The following PADI3 variants were observed in gnomAD, a reference collection of about 807,000 sequenced individuals.
PADI3 encodes protein-arginine deiminase type-3.
A neutral mutation model predicts 71.5 loss-of-function variants in PADI3; 53 were observed. The ratio of observed to expected loss-of-function variants is 0.74; its 90% CI spans 0.59 to 0.93. The LOEUF is 0.93. Ranked by LOEUF, PADI3 falls within the 40% of genes least tolerant of loss-of-function variation. PADI3 has a pLI of 0.00. For synonymous variants in PADI3, 361 were observed against 347.5 expected (o/e 1.04, Z -0.43); for missense variants, 821 against 868.0 (o/e 0.95, Z 0.68).
At chr1:17,276,367 A>G in intron 11 of PADI3, 152 bp from the exon 12 acceptor site, 2 of 687,556 alleles carry the variant, frequency 2.9e-6, no homozygotes, top group East Asian at 2.8e-5. Context: ...AATGAAATAT[A>G]CATATTTATT....
At chr1:17,268,481 A>G (rs1003134888) in intron 6 of PADI3, among the ~76,000 whole-genome samples, 1 of 149,068 alleles carries the variant, frequency 6.7e-6, no homozygotes, top group Non-Finnish European at 1.5e-5. Context: ...CTAAAAATGT[A>G]TACAAGTAAT....
intron 10 of PADI3, among the ~76,000 whole-genome samples, chr1:17,274,173 T>G (rs1174872185): frequency 1.3e-5 from 2 of 152,220 alleles, no homozygotes; most frequent in Non-Finnish European, 2.9e-5. Context: ...CGAAGTTGCT[T>G]CTGAGAGATA....
chr1:17,261,190 C>A (rs901396007), intron 2 of PADI3, among the ~76,000 whole-genome samples: 1 of 152,116 alleles, frequency 6.6e-6, no homozygotes, highest in Non-Finnish European at 1.5e-5. Context: ...AGGGAATACC[C>A]CAAGGGGAGG....
intron 13 of PADI3, chr1:17,277,745 A>C (rs2073353900): frequency 6.5e-6 from 1 of 153,662 alleles, no homozygotes; most frequent in Admixed American, 6.5e-5. Context: ...GGGGTTGGGC[A>C]CATGTGCCAC....
intron 4 of PADI3, 113 bp downstream of exon 4, chr1:17,265,833 G>A (rs757676489): frequency 1.5e-5 from 13 of 887,994 alleles, no homozygotes; most frequent in South Asian, 2.9e-5. Context: ...AGCTGATGCC[G>A]AGACCAAGGG....
intron 13 of PADI3, among the ~76,000 whole-genome samples, chr1:17,279,194 G>A (rs1284509643): frequency 1.3e-5 from 2 of 152,146 alleles, no homozygotes; most frequent in African/African-American, 2.4e-5. Context: ...CCCCACCCTC[G>A]AGGGCTGACA....
chr1:17,272,613 C>G (rs2073270459), intron 9 of PADI3, among the ~76,000 whole-genome samples: 1 of 152,028 alleles, frequency 6.6e-6, no homozygotes, highest in African/African-American at 2.4e-5. Context: ...TTCAAGTGAT[C>G]CTTCTGCCTC....
At chr1:17,257,494 A>G (rs2073042619) in intron 1 of PADI3, among the ~76,000 whole-genome samples, 1 of 152,226 alleles carries the variant, frequency 6.6e-6, no homozygotes. Context: ...TTCAAGTCCA[A>G]CTGAGCTTTC....
intron 1 of PADI3, among the ~76,000 whole-genome samples, chr1:17,249,903 T>A (rs2072943723): frequency 6.6e-6 from 1 of 152,206 alleles, no homozygotes; most frequent in Admixed American, 6.5e-5. Context: ...CTCAGGAGTC[T>A]TATGGTTTTA....
Position 17,268,972 on chromosome 1 carries a change from A to C in PADI3, c.652+1010A>C, listed in dbSNP as rs1328845736. On this transcript the variant is annotated intron_variant, in intron 6 of 15. Coordinates refer to ENST00000375460, the MANE Select transcript of PADI3 (RefSeq NM_016233.2). ...ATGATCTCAGCTCACTGCAGCCTCC[A>C]CCTTTCAGGCTCAAGCAATCCTTCC... Among the ~76,000 whole-genome samples, 14 of 145,098 alleles carry C rather than the reference A, an allele frequency of 9.6e-5. No individual in the cohort carries two copies. In the Admixed American group the frequency reaches 9.8e-4, roughly 10 times the overall value.
At chr1:17,255,327 G>C (rs1320285947) in intron 1 of PADI3, among the ~76,000 whole-genome samples, 1 of 152,244 alleles carries the variant, frequency 6.6e-6, no homozygotes, top group Non-Finnish European at 1.5e-5. Flanking sequence ...GGCTGTGCCA[G>C]AGGAGCAGTT....
intron 9 of PADI3, among the ~76,000 whole-genome samples, chr1:17,271,479 C>A (rs1362588423): frequency 6.6e-6 from 1 of 152,188 alleles, no homozygotes; most frequent in Non-Finnish European, 1.5e-5. Flanking sequence ...TGGTTCTCAT[C>A]AAGAGGCGAT....
rs564947321 is a variant in PADI3 at position 17,268,498 on chromosome 1, C to CTTTTTTTTT, written c.652+555_652+563dup. Reference sequence around the variant, plus strand: ...AAAAATGTATACAAGTAATAAGATGCTTTTTTTTTTTTTTTTTTTTTTTTT... The same window carrying CTTTTTTTTT: ...AAAAATGTATACAAGTAATAAGATGCTTTTTTTTTTTTTTTTTTTTTTTTTTTTTTTTTT... On this transcript the variant is annotated intron_variant, in intron 6 of 15. Coordinates refer to ENST00000375460, the MANE Select transcript of PADI3 (RefSeq NM_016233.2). Among the ~76,000 whole-genome samples the CTTTTTTTTT allele has an allele frequency of 2.6e-4, 23 of 89,412 alleles. 2 individuals carry two copies. Among genetic ancestry groups the CTTTTTTTTT allele is most frequent in the African/African-American group, 1.1e-3 (23 of 21,222 alleles). The allele number at this position is 89,412 out of a possible 152,430, so 58.7% of individuals were successfully genotyped here. A position where few individuals can be genotyped will look rare whatever the true frequency, so the allele number is the denominator to read the frequency against.
chr1:17,276,495 T>C (rs1161014287), intron 11 of PADI3, 24 bp from the exon 12 acceptor site: 3 of 1,613,256 alleles, frequency 1.9e-6, no homozygotes, highest in Non-Finnish European at 2.5e-6. Context: ...TAAGCAACTT[T>C]TTTTTTAACC....
At position 17,273,346 on chromosome 1, in the gene PADI3, A is replaced by T. The variant is rs757424742; in HGVS notation, c.1054A>T (p.Met352Leu). 6.2e-7 allele frequency: 1 copy of T among 1,612,008 alleles called. No individual in the cohort carries two copies. Among genetic ancestry groups the T allele is most frequent in the African/African-American group, 1.3e-5 (1 of 74,798 alleles). ...CGCCTCTCCTCACTTGCAGGATGAG[A>T]TGGAGCTGGGCTACGTTCAGGCGCC... The part of the protein sequence containing the change: ...NRNDRWIQDE[M>L]ELGYVQAPHK... The change falls in exon 10 of 16, where the codon ATG becomes TTG. Residue 352 changes from methionine (M) to leucine (L), a missense_variant. Coordinates refer to ENST00000375460, the MANE Select transcript of PADI3 (RefSeq NM_016233.2).
At chr1:17,280,232 T>C in intron 13 of PADI3, 118 bp from the exon 14 acceptor site, 1 of 775,640 alleles carries the variant, frequency 1.3e-6, no homozygotes, top group Non-Finnish European at 2.2e-6. Context: ...AGTCAGAGGC[T>C]GCTGACTCGG....
At position 17,258,897 on chromosome 1, in the gene PADI3, C is replaced by T. The variant is rs1017682414; in HGVS notation, c.93-681C>T. 3.9e-5 allele frequency among the ~76,000 whole-genome samples: 6 copies of T among 152,352 alleles called. No individual in the cohort carries two copies. The South Asian group carries it at 1.2e-3, about 32-fold the overall frequency. ...TCTCAGAACTGTAAGGGGCTCCACC[C>T]ACCAATGGCTGGTGTTCACTGAGCT... On this transcript the variant is annotated intron_variant, in intron 1 of 15. Transcript: ENST00000375460.
At chr1:17,277,058 C>T (rs555059427) in intron 13 of PADI3, among the ~76,000 whole-genome samples, 182 bp downstream of exon 13, 9 of 152,274 alleles carry the variant, frequency 5.9e-5, no homozygotes, top group South Asian at 4.1e-4. Flanking sequence ...CAGCTGGGGC[C>T]GAGCTGAGGT....
rs144699632 is a variant in PADI3 at position 17,277,257 on chromosome 1, T to A, written c.1555+381T>A. Among the ~76,000 whole-genome samples the A allele has an allele frequency of 7.3e-3, 1,115 of 151,928 alleles. 12 individuals are homozygous for A. Among genetic ancestry groups the A allele is most frequent in the African/African-American group, 0.026 (1,070 of 41,428 alleles). On this transcript the variant is annotated intron_variant, in intron 13 of 15. Coordinates refer to ENST00000375460, the MANE Select transcript of PADI3 (RefSeq NM_016233.2). ...TTGCCCAGGCTGGAGTGCAATGGCG[T>A]GATCTCCACTCACCGCAACCTCCGC...
Sources: allele counts gnomAD v4.1 joint callset (sites outside exome capture counted in the v4.1 genomes callset), GRCh38; gene constraint gnomAD v4.1.1; transcripts MANE v1.5; gene names NCBI Gene and HGNC (gene_info 2026-07-23, HGNC 2026-07-21).